The following PRTG variants were observed in gnomAD, a reference collection of about 807,000 sequenced individuals.
PRTG encodes immunoglobulin superfamily, DCC subclass, member 5.
PRTG carries 67 observed loss-of-function variants against 122.5 expected under a neutral mutation model. The observed-to-expected ratio is 0.55, with a 90% confidence interval of 0.45 to 0.67. PRTG has a LOEUF of 0.67. Ranked by LOEUF, PRTG falls within the 30% of genes least tolerant of loss-of-function variation. The pLI, the probability that PRTG is intolerant of heterozygous loss-of-function variation, is 0.00. For synonymous variants in PRTG, 554 were observed against 501.1 expected, an observed-to-expected ratio of 1.11 and a Z score of -1.41; for missense variants, 1,435 against 1,415.4, an observed-to-expected ratio of 1.01 and a Z score of -0.22.
At chr15:55,674,085 A>G (rs142203721) in intron 9 of PRTG, among the ~76,000 whole-genome samples, 1 of 152,380 alleles carries the variant, frequency 6.6e-6, no homozygotes, top group Non-Finnish European at 1.5e-5. Context: ...TTGAAGTGTA[A>G]GAGTTGCATC....
At chr15:55,681,073 A>C (rs2059535361) in intron 4 of PRTG, among the ~76,000 whole-genome samples, 3 of 152,308 alleles carry the variant, frequency 2.0e-5, no homozygotes, top group South Asian at 2.1e-4. Context: ...TACATGTATA[A>C]GTACTTCATT....
intron 2 of PRTG, among the ~76,000 whole-genome samples, chr15:55,735,307 C>T (rs1256301794): frequency 6.6e-6 from 1 of 152,016 alleles, no homozygotes; most frequent in Admixed American, 6.6e-5. Flanking sequence ...AACTGAGCAA[C>T]CTTGTTCATG....
chr15:55,630,227 C>A (rs936977786), intron 15 of PRTG, among the ~76,000 whole-genome samples: 4 of 152,158 alleles, frequency 2.6e-5, no homozygotes, highest in African/African-American at 9.7e-5. Flanking sequence ...CCCTCGTGAT[C>A]TGCCCGCCTC....
intron 2 of PRTG, among the ~76,000 whole-genome samples, chr15:55,738,887 CAGAGGAAGGAA>C (rs72434296): frequency 0.025 from 2,827 of 112,534 alleles, 104 homozygotes; most frequent in African/African-American, 0.097. Context: ...GAGGAAAAGA[CAGAGGAAGGAA>C]GGGGGAAGGG....
chr15:55,713,832 A>C (rs143359779), intron 2 of PRTG, among the ~76,000 whole-genome samples: 1 of 152,094 alleles, frequency 6.6e-6, no homozygotes, highest in African/African-American at 2.4e-5. Context: ...CTGCATGTCT[A>C]TTACCCCAGC....
At chr15:55,639,081 C>T (rs2059274791) in intron 13 of PRTG, among the ~76,000 whole-genome samples, 1 of 152,246 alleles carries the variant, frequency 6.6e-6, no homozygotes, top group East Asian at 1.9e-4. Context: ...AAGCAATTCT[C>T]CTGTGTTAGC....
chr15:55,647,388 G>C (rs79066867), intron 11 of PRTG, among the ~76,000 whole-genome samples: 21,026 of 152,186 alleles, frequency 0.14, 2,089 homozygotes, highest in African/African-American at 0.27. Context: ...CACTGCATGA[G>C]AGACTCAAGG....
At chr15:55,730,643 AC>A (rs1262382530) in intron 2 of PRTG, among the ~76,000 whole-genome samples, 1 of 151,998 alleles carries the variant, frequency 6.6e-6, no homozygotes, top group Non-Finnish European at 1.5e-5. Context: ...TAGTAAAAAT[AC>A]AAAAAATCAG....
At chr15:55,734,144 GA>G (rs1171842426) in intron 2 of PRTG, among the ~76,000 whole-genome samples, 12 of 152,146 alleles carry the variant, frequency 7.9e-5, no homozygotes, top group Non-Finnish European at 1.6e-4. Flanking sequence ...CACCACAACA[GA>G]AAATTATCTG....
chr15:55,644,250 A>G (rs1303549902), intron 11 of PRTG, among the ~76,000 whole-genome samples: 2 of 152,250 alleles, frequency 1.3e-5, no homozygotes, highest in Non-Finnish European at 2.9e-5. Flanking sequence ...AAGGAAGGAT[A>G]GGACAGATGT....
intron 9 of PRTG, among the ~76,000 whole-genome samples, chr15:55,674,832 G>A (rs1377892066): frequency 6.6e-6 from 1 of 152,030 alleles, no homozygotes; most frequent in Non-Finnish European, 1.5e-5. Flanking sequence ...TCACATTGCA[G>A]GGTACTAAAA....
chr15:55,707,220 C>T (rs1487154300), intron 2 of PRTG, among the ~76,000 whole-genome samples: 3 of 152,144 alleles, frequency 2.0e-5, no homozygotes, highest in Non-Finnish European at 4.4e-5. Context: ...TACAGAAGTA[C>T]TTCCCTGCCT....
rs114285554 is a variant in PRTG, at chr15:55,632,316, T to G, written c.2624-3312A>C. 5.1e-3 allele frequency among the ~76,000 whole-genome samples: 781 copies of G among 152,288 alleles called. 6 individuals carry two copies. Among genetic ancestry groups the G allele is most frequent in the African/African-American group, 0.018 (728 of 41,556 alleles). On this transcript the variant is annotated intron_variant, in intron 15 of 19. Transcript: ENST00000389286. ...TTCTACTTATGTTCCAACAGCTTAT[T>G]ACTTTCACCATTACCACTCCTGTCC... is the stretch of plus-strand genomic sequence containing the variant.
At chr15:55,636,875 G>A (rs1264263815) in intron 15 of PRTG, among the ~76,000 whole-genome samples, 1 of 152,130 alleles carries the variant, frequency 6.6e-6, no homozygotes, top group Admixed American at 6.6e-5. Context: ...TTGAACTCCG[G>A]ACCTCAGGTA....
At chr15:55,665,669 C>T (rs1199405482) in intron 11 of PRTG, among the ~76,000 whole-genome samples, 2 of 151,798 alleles carry the variant, frequency 1.3e-5, no homozygotes, top group Admixed American at 6.6e-5. Context: ...CTTCAGCCTC[C>T]TGAGTAGCTA....
intron 11 of PRTG, among the ~76,000 whole-genome samples, chr15:55,670,159 CAT>C (rs1567091750): frequency 1.3e-5 from 2 of 152,064 alleles, no homozygotes; most frequent in Admixed American, 6.6e-5. Context: ...TATATATATG[CAT>C]ATATGTATCT....
chr15:55,673,262 T>C lies in PRTG; in HGVS notation c.1852+109A>G. The C allele has an allele frequency of 4.8e-6, 4 of 834,832 alleles. No individual in the cohort carries two copies. The South Asian group carries it at 6.1e-5, about 13-fold the overall frequency. The allele number at this position is 834,832 out of a possible 1,614,324, so 51.7% of individuals were successfully genotyped here. On this transcript the variant is annotated intron_variant, in intron 10 of 19. Coordinates refer to ENST00000389286, the MANE Select transcript of PRTG (RefSeq NM_173814.6). ...TCAATTAAGTCCATCATCTATGGAA[T>C]ATTTTTATTTGTAAAACAAAATTTA...
intron 2 of PRTG, among the ~76,000 whole-genome samples, chr15:55,723,645 C>T (rs1309751420): frequency 1.3e-5 from 2 of 151,860 alleles, no homozygotes; most frequent in East Asian, 3.9e-4. Context: ...TATAATCGAA[C>T]AGTTGAGAGA....
At chr15:55,692,971 G>A (rs1207623585) in intron 2 of PRTG, among the ~76,000 whole-genome samples, 1 of 149,484 alleles carries the variant, frequency 6.7e-6, no homozygotes, top group East Asian at 2.0e-4. Context: ...CTCCCCAGTA[G>A]CTAGAACTAC....
Sources: gnomAD v4.1 joint callset for allele counts (sites outside exome capture counted in the v4.1 genomes callset) on GRCh38, gnomAD v4.1.1 for gene constraint, MANE v1.5 for transcripts, NCBI Gene and HGNC (gene_info 2026-07-23, HGNC 2026-07-21) for gene names.